The following GBE1 variants were observed in gnomAD, a reference collection of about 807,000 sequenced individuals.
The protein encoded by GBE1 is 1,4-alpha-glucan branching enzyme 1, also known as 1,4-alpha-glucan-branching enzyme.
In GBE1, 70 loss-of-function variants were observed where a neutral mutation model predicts 88.8. The observed-to-expected ratio is 0.79, with a 90% CI of 0.65 to 0.96. The LOEUF (loss-of-function observed/expected upper bound fraction) is 0.96. GBE1 is among the 40% of genes least tolerant of loss of function. The pLI, the probability that GBE1 is intolerant of heterozygous loss-of-function variation, is 0.00. For synonymous variants in GBE1, 284 were observed against 300.1 expected (o/e 0.95, Z 0.56); for missense variants, 872 against 871.0 (o/e 1.00, Z -0.01).
chr3:81,517,042 G>A (rs566798973), intron 14 of GBE1, among the ~76,000 whole-genome samples: 2 of 151,584 alleles, frequency 1.3e-5, no homozygotes, highest in African/African-American at 4.8e-5. Flanking sequence ...CAACTAAGTG[G>A]TGGGGTTTCA....
chr3:81,533,774 A>G (rs1703038417), intron 14 of GBE1, among the ~76,000 whole-genome samples: 1 of 152,078 alleles, frequency 6.6e-6, no homozygotes, highest in African/African-American at 2.4e-5. Flanking sequence ...CTAAAGAAGT[A>G]AGTTTATTCT....
chr3:81,638,374 TATTTA>T (rs1704621785), intron 7 of GBE1, among the ~76,000 whole-genome samples: 1 of 152,134 alleles, frequency 6.6e-6, no homozygotes, highest in African/African-American at 2.4e-5. Flanking sequence ...TTGAAAGAAA[TATTTA>T]ACGAACAAAA....
intron 14 of GBE1, among the ~76,000 whole-genome samples, chr3:81,513,930 C>G (rs954369321): frequency 2.0e-5 from 3 of 151,622 alleles, no homozygotes; most frequent in East Asian, 1.9e-4. Context: ...TTCTAGAGCT[C>G]AAGCTAACCA....
chr3:81,708,107 T>A (rs972507612), intron 1 of GBE1, among the ~76,000 whole-genome samples: 1 of 152,016 alleles, frequency 6.6e-6, no homozygotes, highest in South Asian at 2.1e-4. Flanking sequence ...GGAATTTTAC[T>A]GAGTATGTAA....
intron 12 of GBE1, among the ~76,000 whole-genome samples, chr3:81,562,297 A>G (rs1258020596): frequency 1.3e-5 from 2 of 152,136 alleles, no homozygotes; most frequent in Admixed American, 1.3e-4. Context: ...ACCACAGTAC[A>G]ATACAAAATT....
chr3:81,574,378 T>G (rs1703617063), intron 12 of GBE1, among the ~76,000 whole-genome samples: 1 of 152,112 alleles, frequency 6.6e-6, no homozygotes, highest in Non-Finnish European at 1.5e-5. Flanking sequence ...ATAACAGTAT[T>G]AAGTCATTTC....
intron 3 of GBE1, among the ~76,000 whole-genome samples, chr3:81,669,077 C>T (rs116570267): frequency 6.6e-6 from 1 of 152,032 alleles, no homozygotes; most frequent in African/African-American, 2.4e-5. Flanking sequence ...TAAAAATCAA[C>T]CTTATGAGGT....
At chr3:81,668,035 C>T (rs1010144701) in intron 3 of GBE1, among the ~76,000 whole-genome samples, 1 of 152,156 alleles carries the variant, frequency 6.6e-6, no homozygotes, top group African/African-American at 2.4e-5. Flanking sequence ...GAATACTATG[C>T]AGCCATAAAA....
At chr3:81,710,223 G>GTAAT (rs1705840830) in intron 1 of GBE1, among the ~76,000 whole-genome samples, 1 of 121,392 alleles carries the variant, frequency 8.2e-6, no homozygotes, top group Non-Finnish European at 1.7e-5. Flanking sequence ...TACTCTTAAG[G>GTAAT]TAATTAATCT....
At chr3:81,540,505 T>C (rs1703130262) in intron 12 of GBE1, among the ~76,000 whole-genome samples, 1 of 152,004 alleles carries the variant, frequency 6.6e-6, no homozygotes, top group Non-Finnish European at 1.5e-5. Flanking sequence ...ATCTGTAAAA[T>C]CATCATTCTG....
At chr3:81,693,409 C>T (rs1252232653) in intron 2 of GBE1, among the ~76,000 whole-genome samples, 1 of 151,842 alleles carries the variant, frequency 6.6e-6, no homozygotes, top group Admixed American at 6.6e-5. Context: ...TATTTTTATA[C>T]CAAAAAAATC....
intron 7 of GBE1, among the ~76,000 whole-genome samples, chr3:81,610,614 A>C (rs772475702): frequency 5.7e-4 from 87 of 152,176 alleles, no homozygotes; most frequent in Admixed American, 9.8e-4. Flanking sequence ...CTTCAGAGGT[A>C]CTGTCATCAC....
chr3:81,743,614 G>C, intron 1 of GBE1: 3 of 1,534,116 alleles, frequency 2.0e-6, no homozygotes, highest in Non-Finnish European at 2.6e-6. Flanking sequence ...AATCTGGGCC[G>C]AATCCAAGTG....
intron 6 of GBE1, among the ~76,000 whole-genome samples, chr3:81,643,209 T>C (rs1019477799): frequency 6.6e-6 from 1 of 152,078 alleles, no homozygotes; most frequent in African/African-American, 2.4e-5. Context: ...TTATTAAATG[T>C]AGATTTATAC....
intron 1 of GBE1, among the ~76,000 whole-genome samples, chr3:81,759,622 G>T (rs550194676): frequency 1.3e-5 from 2 of 152,292 alleles, no homozygotes; most frequent in East Asian, 3.9e-4. Context: ...CAGAACCAAG[G>T]ACAAAAGTAA....
chr3:81,711,901 A>G (rs1013636009), intron 1 of GBE1, among the ~76,000 whole-genome samples: 5 of 152,112 alleles, frequency 3.3e-5, no homozygotes, highest in African/African-American at 4.8e-5. Context: ...TTTGCAATCT[A>G]CTCATCTGAC....
intron 12 of GBE1, among the ~76,000 whole-genome samples, chr3:81,537,536 T>C (rs993383866): frequency 2.6e-5 from 4 of 152,072 alleles, no homozygotes; most frequent in African/African-American, 9.6e-5. Context: ...AACTCTCTAT[T>C]ATATTCATTT....
intron 3 of GBE1, among the ~76,000 whole-genome samples, chr3:81,662,358 T>A (rs1559680061): frequency 6.6e-6 from 1 of 152,142 alleles, no homozygotes; most frequent in East Asian, 1.9e-4. Context: ...TATTCTCAAA[T>A]AATAAAATTT....
intron 3 of GBE1, among the ~76,000 whole-genome samples, chr3:81,664,435 G>A (rs1334597261): frequency 1.6e-5 from 2 of 128,374 alleles, no homozygotes; most frequent in East Asian, 5.0e-4. Flanking sequence ...AAACTTGAAT[G>A]TGTCAAAAAA....
Sources: gnomAD v4.1 joint callset for allele counts (sites outside exome capture counted in the v4.1 genomes callset) on GRCh38, gnomAD v4.1.1 for gene constraint, MANE v1.5 for transcripts, NCBI Gene and HGNC (gene_info 2026-07-23, HGNC 2026-07-21) for gene names.